Variants in MAF observed in about 807,000 individuals in gnomAD.
The protein encoded by MAF is MAF bZIP transcription factor, also known as transcription factor Maf.
A neutral mutation model predicts 22.0 loss-of-function variants in MAF; 10 were observed. The ratio of observed to expected loss-of-function variants is 0.45; its 90% CI spans 0.28 to 0.77. MAF has a LOEUF of 0.77. Among genes scored for constraint, MAF ranks in the 30% least tolerant of loss-of-function variants. The pLI is 0.12. For synonymous variants in MAF, 337 were observed against 255.8 expected (o/e 1.32, Z -3.03); for missense variants, 544 against 548.4 (o/e 0.99, Z 0.08).
At chr16:79,222,291 C>T in the MAF span, among the ~76,000 whole-genome samples, 2 of 152,036 alleles carry the variant, frequency 1.3e-5, no homozygotes, top group Admixed American at 6.6e-5. Flanking sequence ...AAATTCTGAG[C>T]GATTTTATCA....
chr16:79,440,644 C>T, the MAF span, among the ~76,000 whole-genome samples: 1 of 152,176 alleles, frequency 6.6e-6, no homozygotes, highest in African/African-American at 2.4e-5. Context: ...CCATGTTGAC[C>T]TCGTGATCCA....
the MAF span, among the ~76,000 whole-genome samples, chr16:79,466,089 G>A: frequency 4.6e-4 from 70 of 152,304 alleles, no homozygotes; most frequent in African/African-American, 1.5e-3. Flanking sequence ...GGGCTGGACA[G>A]TTTTTCTCGC....
At chr16:79,211,375 G>A in the MAF span, among the ~76,000 whole-genome samples, 4 of 152,312 alleles carry the variant, frequency 2.6e-5, no homozygotes, top group African/African-American at 7.2e-5. Context: ...TGTATGAGGT[G>A]TCAAAAGTTA....
the MAF span, among the ~76,000 whole-genome samples, chr16:79,571,984 G>C: frequency 2.7e-4 from 41 of 152,108 alleles, no homozygotes; most frequent in African/African-American, 9.9e-4. Context: ...CTTCTCCTAA[G>C]AAAAGACTAT....
At chr16:79,585,842 AAAAC>A in exon 2 of MAF, 1 of 616,356 alleles carries the variant, frequency 1.6e-6, no homozygotes, top group Middle Eastern at 2.6e-4. Context: ...AAAAAAAAAA[AAAAC>A]TCAAGCACAT....
chr16:79,508,804 C>T, the MAF span, among the ~76,000 whole-genome samples: 240 of 152,222 alleles, frequency 1.6e-3, no homozygotes, highest in African/African-American at 5.3e-3. Context: ...TCTGAAATGT[C>T]GAGAAGAGGC....
the MAF span, among the ~76,000 whole-genome samples, chr16:79,544,413 G>C: frequency 2.0e-5 from 3 of 152,004 alleles, no homozygotes; most frequent in Non-Finnish European, 4.4e-5. Flanking sequence ...TAGAGATGGA[G>C]GTATTTTGAG....
the MAF span, among the ~76,000 whole-genome samples, chr16:79,467,501 C>T: frequency 3.9e-5 from 6 of 152,260 alleles, no homozygotes; most frequent in Admixed American, 1.3e-4. Context: ...ATAGAGAAAT[C>T]GAGTAATTTG....
chr16:79,598,889 C>G lies in MAF; in HGVS notation c.1014G>C (p.Val338=). Residue 338 remains valine (V), a synonymous_variant, in exon 1 of 2, where the codon GTG becomes GTC. Coordinates refer to ENST00000326043, the MANE Select transcript of MAF (RefSeq NM_005360.5). ...DHLKQEISRL[V]RERDAYKEKY... ...TCTCCTTGTACGCGTCCCTCTCGCG[C>G]ACCAGCCTGGAGATCTCCTGCTTGA... 1 of 1,613,798 alleles carries G rather than the reference C, an allele frequency of 6.2e-7. No homozygotes were observed.
chr16:79,310,615 C>T, the MAF span, among the ~76,000 whole-genome samples: 1 of 152,172 alleles, frequency 6.6e-6, no homozygotes, highest in African/African-American at 2.4e-5. Flanking sequence ...TCCGCCTCCG[C>T]GACATTTTGC....
the MAF span, among the ~76,000 whole-genome samples, chr16:79,422,006 G>C: frequency 6.6e-6 from 1 of 152,150 alleles, no homozygotes; most frequent in African/African-American, 2.4e-5. Context: ...TCGAACTCCT[G>C]AACTCAGGTG....
chr16:79,510,423 G>T, the MAF span, among the ~76,000 whole-genome samples: 1 of 152,062 alleles, frequency 6.6e-6, no homozygotes, highest in African/African-American at 2.4e-5. Context: ...CCGCAGTCTG[G>T]GGACTATCAC....
At chr16:79,421,600 G>C in the MAF span, among the ~76,000 whole-genome samples, 3 of 151,918 alleles carry the variant, frequency 2.0e-5, no homozygotes, top group African/African-American at 7.3e-5. Context: ...AACCAGGCCG[G>C]AGAAAAGGGA....
At chr16:79,543,100 T>C in the MAF span, among the ~76,000 whole-genome samples, 1 of 152,274 alleles carries the variant, frequency 6.6e-6, no homozygotes, top group Non-Finnish European at 1.5e-5. Context: ...TTTTGAGTTT[T>C]GCATTTCACT....
At chr16:79,221,564 C>G in the MAF span, among the ~76,000 whole-genome samples, 1 of 152,128 alleles carries the variant, frequency 6.6e-6, no homozygotes, top group Non-Finnish European at 1.5e-5. Flanking sequence ...CACTATGATC[C>G]TTATTAATAA....
chr16:79,593,565 C>T (rs371841783), downstream of MAF, among the ~76,000 whole-genome samples: 223 of 152,254 alleles, frequency 1.5e-3, 1 homozygote, highest in African/African-American at 5.0e-3. Context: ...CATTTCCCAT[C>T]GGAGGGGTCT....
the MAF span, among the ~76,000 whole-genome samples, chr16:79,358,462 G>C: frequency 6.6e-6 from 1 of 152,130 alleles, no homozygotes; most frequent in East Asian, 1.9e-4. Context: ...AGGCAGCCCA[G>C]CAGAGCTACT....
chr16:79,558,163 G>A, the MAF span, among the ~76,000 whole-genome samples: 1 of 152,146 alleles, frequency 6.6e-6, no homozygotes, highest in Non-Finnish European at 1.5e-5. Flanking sequence ...TCCTGCCTGT[G>A]GGGGGCCATT....
chr16:79,531,126 G>A, the MAF span, among the ~76,000 whole-genome samples: 2 of 152,206 alleles, frequency 1.3e-5, no homozygotes, highest in Non-Finnish European at 2.9e-5. Context: ...GAAAATCAGG[G>A]ACTAACATGA....
Sources: gnomAD v4.1 joint callset for allele counts (sites outside exome capture counted in the v4.1 genomes callset) on GRCh38, gnomAD v4.1.1 for gene constraint, MANE v1.5 for transcripts, NCBI Gene and HGNC (gene_info 2026-07-23, HGNC 2026-07-21) for gene names.